The following NRAP variants were observed in gnomAD, a reference collection of about 807,000 sequenced individuals.
NRAP encodes the protein nebulin-related-anchoring protein.
NRAP carries 189 observed loss-of-function variants against 225.9 expected under a neutral mutation model. The ratio of observed to expected loss-of-function variants is 0.84; its 90% CI spans 0.74 to 0.94. NRAP has a LOEUF of 0.94. NRAP is among the 40% of genes least tolerant of loss of function. The pLI, the probability that NRAP is intolerant of heterozygous loss-of-function variation, is 0.00. For synonymous variants in NRAP, 769 were observed against 790.7 expected, an observed-to-expected ratio of 0.97 and a Z score of 0.46; for missense variants, 2,176 against 2,168.7, an observed-to-expected ratio of 1.00 and a Z score of -0.07.
rs200149618 is a variant in NRAP, at chr10:113,628,982, C to T, written c.2080G>A (p.Gly694Arg). The T allele has an allele frequency of 3.1e-4, 507 of 1,613,958 alleles. 1 individual carries two copies. Among genetic ancestry groups the T allele is most frequent in the Middle Eastern group, 1.3e-3 (8 of 6,058 alleles). Residue 694 changes from glycine to arginine, a missense_variant, in exon 20 of 42, where the codon GGG becomes AGG. Gly to Arg is a moderately radical substitution (Grantham distance 125, BLOSUM62 -2). Coordinates refer to ENST00000359988, the MANE Select transcript of NRAP (RefSeq NM_198060.4). ...KADLAWMKGV[G>R]WLTEGSLNLE... ...TTGAGACTCCCCTCTGTCAGCCACC[C>T]AACTCCCTTCATCCATGCCAGGTCA...
At chr10:113,609,157 CAAAT>C (rs989016368) in intron 31 of NRAP, among the ~76,000 whole-genome samples, 47 of 152,172 alleles carry the variant, frequency 3.1e-4, no homozygotes, top group African/African-American at 1.0e-3. Flanking sequence ...GAGACTGTCT[CAAAT>C]AAATAAATAA....
At chr10:113,650,599 G>A in intron 7 of NRAP, 54 bp from the exon 8 acceptor site, 2 of 1,190,524 alleles carry the variant, frequency 1.7e-6, no homozygotes, top group Non-Finnish European at 2.5e-6. Context: ...GATGATCTTA[G>A]TGAGATGCTC....
Position 113,614,863 on chromosome 10 carries a change from C to G in NRAP, c.3162G>C (p.Lys1054Asn). ...RLDALPFQAA[K>N]ASGEIISDYK... is the part of the protein sequence containing the mutation. ...CATCACTTATGATTTCACCAGAAGC[C>G]TTTGCTGCTTGGAATGGAAGGGCAT... Residue 1054 changes from lysine to asparagine, a missense_variant, in exon 28 of 42, where the codon AAG becomes AAC. Physicochemically the swap from Lys to Asn is moderately conservative, Grantham distance 94. Around this residue, in one of 3 missense-constraint regions of NRAP, gnomAD observed 1,708 missense variants for 1,695.5 expected, o/e 1.01. Coordinates refer to ENST00000359988, the MANE Select transcript of NRAP (RefSeq NM_198060.4). The G allele has an allele frequency of 1.9e-6, 3 of 1,609,394 alleles. No individual in the cohort carries two copies. The highest frequency in any genetic ancestry group is 2.6e-6 in the Non-Finnish European group (3 of 1,175,666).
intron 11 of NRAP, among the ~76,000 whole-genome samples, chr10:113,645,415 G>GTTGT (rs72181176): frequency 6.6e-6 from 1 of 151,384 alleles, no homozygotes; most frequent in South Asian, 2.1e-4. Flanking sequence ...CACCTTTTTT[G>GTTGT]TTGTTTGTTT....
At chr10:113,600,155 TTCTCTC>T (rs10529111) in intron 35 of NRAP, among the ~76,000 whole-genome samples, 32,597 of 140,148 alleles carry the variant, frequency 0.23, 3,673 homozygotes, top group South Asian at 0.36. Flanking sequence ...AGGGGTTATA[TTCTCTC>T]TCTCTCTCTC....
intron 35 of NRAP, among the ~76,000 whole-genome samples, chr10:113,598,308 T>C (rs1190043880): frequency 1.3e-5 from 2 of 148,758 alleles, no homozygotes; most frequent in Non-Finnish European, 3.0e-5. Flanking sequence ...CACCAGTGAA[T>C]TGGCAGGATT....
rs138632607 is a variant in NRAP at position 113,637,039 on chromosome 10, C to G, written c.1429-2829G>C. Among the ~76,000 whole-genome samples the G allele has an allele frequency of 3.0e-3, 454 of 151,016 alleles. 3 individuals are homozygous for G. The highest frequency in any genetic ancestry group is 9.9e-3 in the African/African-American group (407 of 41,132). ...AAAAAAAAAAAAAAAATCCAGTGAC[C>G]CAAGAGAAATAGGTCTAATAGCCAC... On this transcript the variant is annotated intron_variant, in intron 14 of 41. Coordinates refer to ENST00000359988, the MANE Select transcript of NRAP (RefSeq NM_198060.4).
chr10:113,641,465 T>A lies in NRAP; in HGVS notation c.1223A>T (p.Tyr408Phe). The A allele has an allele frequency of 6.2e-7, 1 of 1,608,186 alleles. No homozygotes were observed. Among genetic ancestry groups the A allele is most frequent in the South Asian group, 1.1e-5 (1 of 90,920 alleles). ...KISKFTSDNKYKENYQNHMRG... is the reference protein window; with the variant it reads ...KISKFTSDNKFKENYQNHMRG... ...CATGTGGTTCTGGTAGTTTTCTTTA[T>A]ATTTATTCTACATGGAAACGCAAAG... The change falls in exon 13 of 42, where the codon TAT becomes TTT. Residue 408 changes from tyrosine to phenylalanine, a missense_variant. Tyr to Phe is a conservative substitution (Grantham distance 22, BLOSUM62 3). Around this residue, in one of 3 missense-constraint regions of NRAP, gnomAD observed 1,708 missense variants for 1,695.5 expected, o/e 1.01. Transcript: ENST00000359988.
At chr10:113,659,351 T>C (rs1483307965) in intron 3 of NRAP, among the ~76,000 whole-genome samples, 2 of 152,188 alleles carry the variant, frequency 1.3e-5, no homozygotes, top group East Asian at 1.9e-4. Context: ...ACAATCAATA[T>C]GTCCCAGACA....
chr10:113,607,701 C>T (rs1034943250), intron 32 of NRAP, among the ~76,000 whole-genome samples: 1 of 152,162 alleles, frequency 6.6e-6, no homozygotes, highest in Non-Finnish European at 1.5e-5. Flanking sequence ...TCTCAGCTGA[C>T]TTCTATAAGT....
At chr10:113,635,196 A>G (rs1848800243) in intron 14 of NRAP, among the ~76,000 whole-genome samples, 1 of 152,176 alleles carries the variant, frequency 6.6e-6, no homozygotes, top group African/African-American at 2.4e-5. Context: ...TATGCATCCA[A>G]TCATCTTATT....
At position 113,621,993 on chromosome 10, in the gene NRAP, T is replaced by C. The variant is rs377256919; in HGVS notation, c.2645A>G (p.His882Arg). ...GGCTAAATGCTGAGCTTTGCGGGCA[T>C]GCACGAGGTGGACCATGTCCAGGGA... Reference protein sequence around the residue: ...HVSLDMVHLVHARKAQHLATD... With the variant: ...HVSLDMVHLVRARKAQHLATD... The change falls in exon 24 of 42, where the codon CAT (histidine) becomes CGT (arginine). Residue 882 changes from histidine (H) to arginine (R), a missense_variant. Coordinates refer to ENST00000359988, the MANE Select transcript of NRAP (RefSeq NM_198060.4). 5.0e-6 allele frequency: 8 copies of C among 1,614,118 alleles called. No homozygotes were observed. Among genetic ancestry groups the C allele is most frequent in the Non-Finnish European group, 5.9e-6 (7 of 1,180,038 alleles).
chr10:113,648,486 T>TATATAC (rs1849737799), intron 9 of NRAP, among the ~76,000 whole-genome samples: 1 of 149,184 alleles, frequency 6.7e-6, no homozygotes, highest in Non-Finnish European at 1.5e-5. Context: ...TATATATATA[T>TATATAC]ATATGTTGTA....
At chr10:113,593,734 G>A (rs185345389) in intron 38 of NRAP, among the ~76,000 whole-genome samples, 3 of 152,356 alleles carry the variant, frequency 2.0e-5, no homozygotes, top group Admixed American at 2.0e-4. Context: ...AAAGGTTAGA[G>A]TAGCAAATAG....
chr10:113,604,821 G>A lies in NRAP; in HGVS notation c.4015C>T (p.Gln1339Ter). 6.2e-7 allele frequency: 1 copy of A among 1,614,192 alleles called. No homozygotes were observed. Among genetic ancestry groups the A allele is most frequent in the Non-Finnish European group, 8.5e-7 (1 of 1,180,034 alleles). ...PRIQHCRRMGQLQSELQYRRG... is the reference protein window; with the variant it reads ...PRIQHCRRMG Reference sequence around the variant, plus strand: ...CTGTACTGAAGCTCGCTCTGCAGCTGGCCCATGCGCCGGCAGTGCTGGATC... The same window carrying A: ...CTGTACTGAAGCTCGCTCTGCAGCTAGCCCATGCGCCGGCAGTGCTGGATC... Residue 1339 changes from glutamine to a stop codon, truncating the protein, a stop_gained, in exon 35 of 42, where the codon CAG (glutamine) becomes TAG (stop). Transcript: ENST00000359988. LOFTEE classifies it high-confidence loss of function.
Position 113,651,673 on chromosome 10 carries a change from G to T in NRAP, c.675+130C>A. 6 of 615,900 alleles carry T rather than the reference G, an allele frequency of 9.7e-6. No individual in the cohort carries two copies. The South Asian group carries it at 1.2e-4, about 12-fold the overall frequency. 38.2% of individuals were successfully genotyped at this position (615,900 alleles called of 1,614,324 possible). On this transcript the variant is annotated intron_variant, in intron 7 of 41. Coordinates refer to ENST00000359988, the MANE Select transcript of NRAP (RefSeq NM_198060.4). ...GTGTCCCTGCAAAGGACATGATCTTGTTCCTTTTTATCATTCTATTATAAA... is the reference window on the plus strand; with the variant it reads ...GTGTCCCTGCAAAGGACATGATCTTTTTCCTTTTTATCATTCTATTATAAA...
At chr10:113,638,680 A>G (rs897635196) in intron 14 of NRAP, among the ~76,000 whole-genome samples, 2 of 152,212 alleles carry the variant, frequency 1.3e-5, no homozygotes, top group African/African-American at 4.8e-5. Context: ...CAGGGTTTTC[A>G]AGAAAAGGTG....
Position 113,622,109 on chromosome 10 carries a change from C to T in NRAP, c.2529G>A (p.Ser843=), listed in dbSNP as rs374146515. 14 of 1,613,868 alleles carry T rather than the reference C, an allele frequency of 8.7e-6. No homozygotes were observed. Among genetic ancestry groups the T allele is most frequent in the African/African-American group, 1.3e-5 (1 of 74,892 alleles). The change falls in exon 24 of 42, where the codon TCG becomes TCA. Residue 843 remains serine, a synonymous_variant. Transcript: ENST00000359988. ...ACATTTGCAGTGAGTGGCTCATTTG[C>T]GAATCTCCCTGTACATCTTTTGCCC... ...LIGAKDVQGD[S]QMSHSLQMSK...
At chr10:113,642,880 A>G in intron 12 of NRAP, 54 bp downstream of exon 12, 1 of 925,034 alleles carries the variant, frequency 1.1e-6, no homozygotes, top group South Asian at 1.3e-5. Context: ...TAGGAGACCT[A>G]AAGACTAAGC....
Sources: allele counts gnomAD v4.1 joint callset (sites outside exome capture counted in the v4.1 genomes callset), GRCh38; gene constraint gnomAD v4.1.1; regional missense constraint gnomAD v4.1.1; transcripts MANE v1.5; gene names NCBI Gene and HGNC (gene_info 2026-07-23, HGNC 2026-07-21).